Variants in ARHGEF10 observed in about 807,000 individuals in gnomAD.
The protein encoded by ARHGEF10 is Rho guanine nucleotide exchange factor 10.
In ARHGEF10, 140 loss-of-function variants were observed where a neutral mutation model predicts 147.4. That is an observed-to-expected ratio of 0.95 (90% CI 0.83 to 1.09). ARHGEF10 has a LOEUF of 1.09. Ranked by LOEUF, ARHGEF10 falls within the 50% of genes least tolerant of loss-of-function variation. The probability of loss-of-function intolerance (pLI) is 0.00; values close to 1 mark genes in which losing one functional copy is unlikely to be tolerated. For synonymous variants in ARHGEF10, 902 were observed against 695.8 expected, an observed-to-expected ratio of 1.30 and a Z score of -4.67; for missense variants, 2,222 against 1,752.7, an observed-to-expected ratio of 1.27 and a Z score of -4.78.
chr8:1,863,949 T>G (rs1184157010), intron 4 of ARHGEF10, among the ~76,000 whole-genome samples: 3 of 152,040 alleles, frequency 2.0e-5, no homozygotes, highest in African/African-American at 7.2e-5. Context: ...GCCAGGCGGA[T>G]GCCCCTTCAG....
At chr8:1,918,912 GTGTTCTGTGAGTGATGGAGT>G in intron 18 of ARHGEF10, among the ~76,000 whole-genome samples, 1 of 150,684 alleles carries the variant, frequency 6.6e-6, no homozygotes, top group South Asian at 2.1e-4. Flanking sequence ...AGTGACGGAG[GTGTTCTGTGAGTGATGGAGT>G]TGTTCTGTCA....
intron 8 of ARHGEF10, among the ~76,000 whole-genome samples, chr8:1,878,136 C>T (rs933807599): frequency 2.0e-5 from 3 of 152,166 alleles, no homozygotes; most frequent in Admixed American, 6.5e-5. Context: ...TTTCTGCCAC[C>T]GTCATCATTA....
At chr8:1,890,061 C>T (rs891563843) in intron 11 of ARHGEF10, among the ~76,000 whole-genome samples, 1 of 134,358 alleles carries the variant, frequency 7.4e-6, no homozygotes, top group Non-Finnish European at 1.6e-5. Flanking sequence ...GGAGTCTGTG[C>T]GGAGACACCG....
intron 26 of ARHGEF10, among the ~76,000 whole-genome samples, chr8:1,939,032 C>G (rs1010329410): frequency 6.7e-6 from 1 of 149,410 alleles, no homozygotes; most frequent in Non-Finnish European, 1.5e-5. Flanking sequence ...CCTGAACACT[C>G]TGGAATACCA....
chr8:1,871,942 A>G (rs1051341380), intron 7 of ARHGEF10, among the ~76,000 whole-genome samples: 2 of 152,232 alleles, frequency 1.3e-5, no homozygotes, highest in African/African-American at 4.8e-5. Flanking sequence ...ATGATGAAAT[A>G]AAAATCCAGG....
intron 11 of ARHGEF10, among the ~76,000 whole-genome samples, chr8:1,892,148 G>A (rs1175906647): frequency 6.6e-6 from 1 of 151,880 alleles, no homozygotes; most frequent in Non-Finnish European, 1.5e-5. Context: ...AGACTGGCCT[G>A]GGTTTGATGA....
chr8:1,823,677 G>T (rs544734753), upstream of ARHGEF10, among the ~76,000 whole-genome samples: 1 of 151,866 alleles, frequency 6.6e-6, no homozygotes, highest in Non-Finnish European at 1.5e-5. Flanking sequence ...CGCGGCCCGG[G>T]GTCCGCGGGG....
chr8:1,826,614 G>A (rs559684288), intron 1 of ARHGEF10, among the ~76,000 whole-genome samples: 1 of 152,282 alleles, frequency 6.6e-6, no homozygotes, highest in South Asian at 2.1e-4. Context: ...GGGAAGTGCT[G>A]CTTAAAACAA....
At chr8:1,904,599 C>T (rs1221893574) in intron 16 of ARHGEF10, among the ~76,000 whole-genome samples, 1 of 152,134 alleles carries the variant, frequency 6.6e-6, no homozygotes, top group African/African-American at 2.4e-5. Flanking sequence ...ACTTGAACCT[C>T]CGAATACACA....
intron 11 of ARHGEF10, among the ~76,000 whole-genome samples, chr8:1,888,133 G>A (rs1369909211): frequency 3.4e-5 from 3 of 87,854 alleles, no homozygotes; most frequent in Non-Finnish European, 6.7e-5. Context: ...GTGAGGGTTT[G>A]CGAGGAGACA....
At chr8:1,886,806 C>A (rs569254534) in intron 11 of ARHGEF10, among the ~76,000 whole-genome samples, 1 of 152,332 alleles carries the variant, frequency 6.6e-6, no homozygotes, top group Non-Finnish European at 1.5e-5. Context: ...AGAACTGCAT[C>A]CTCCAGCTAT....
intron 26 of ARHGEF10, among the ~76,000 whole-genome samples, chr8:1,943,017 A>G (rs1814235322): frequency 6.6e-6 from 1 of 152,196 alleles, no homozygotes; most frequent in African/African-American, 2.4e-5. Context: ...AAAGCACAGA[A>G]TTGCGCCCTA....
intron 2 of ARHGEF10, among the ~76,000 whole-genome samples, chr8:1,843,997 G>A (rs1334674548): frequency 6.6e-6 from 1 of 152,166 alleles, no homozygotes; most frequent in Non-Finnish European, 1.5e-5. Flanking sequence ...GCCAGCTCGC[G>A]CTCCGGCCAG....
intron 25 of ARHGEF10, among the ~76,000 whole-genome samples, chr8:1,930,720 G>A (rs540627764): frequency 6.6e-6 from 1 of 152,360 alleles, no homozygotes; most frequent in South Asian, 2.1e-4. Context: ...CTCCTCCTTG[G>A]GGAGGCTCTC....
At chr8:1,896,597 A>C in intron 14 of ARHGEF10, 148 bp downstream of exon 14, 2 of 711,268 alleles carry the variant, frequency 2.8e-6, no homozygotes, top group Non-Finnish European at 2.5e-6. Flanking sequence ...AATGAAGATG[A>C]ATTTTAGGTC....
intron 27 of ARHGEF10, 40 bp downstream of exon 27, chr8:1,945,695 C>A (rs760287861): frequency 6.2e-7 from 1 of 1,611,972 alleles, no homozygotes; most frequent in Non-Finnish European, 8.5e-7. Context: ...GGACAGCAAC[C>A]GGGGACGGAC....
chr8:1,834,451 C>T (rs1417130306), intron 1 of ARHGEF10, among the ~76,000 whole-genome samples: 2 of 152,162 alleles, frequency 1.3e-5, no homozygotes, highest in Non-Finnish European at 2.9e-5. Flanking sequence ...AGAGGGGCTG[C>T]TGGGTGCCAT....
At chr8:1,835,857 C>G (rs1282215580) in intron 1 of ARHGEF10, among the ~76,000 whole-genome samples, 1 of 152,196 alleles carries the variant, frequency 6.6e-6, no homozygotes, top group Non-Finnish European at 1.5e-5. Flanking sequence ...TGGGCTCCCT[C>G]TCTGACTGAA....
At chr8:1,925,184 G>C (rs572590933) in intron 21 of ARHGEF10, 99 bp from the exon 22 acceptor site, 1 of 1,485,236 alleles carries the variant, frequency 6.7e-7, no homozygotes, top group South Asian at 1.2e-5. Flanking sequence ...TGTACAAACA[G>C]AATGCCAGAA....
Sources: allele counts gnomAD v4.1 joint callset (sites outside exome capture counted in the v4.1 genomes callset), GRCh38; gene constraint gnomAD v4.1.1; transcripts MANE v1.5; gene names NCBI Gene and HGNC (gene_info 2026-07-23, HGNC 2026-07-21).